The following TSPAN15 variants were observed in gnomAD, a reference collection of about 807,000 sequenced individuals.
TSPAN15 encodes tetraspanin-15.
In TSPAN15, 20 loss-of-function variants were observed where a neutral mutation model predicts 34.5. The observed-to-expected ratio is 0.58, with a 90% CI of 0.41 to 0.84. TSPAN15 has a LOEUF of 0.84. Among genes scored for constraint, TSPAN15 ranks in the 40% least tolerant of loss-of-function variants. The pLI is 0.00. For synonymous variants in TSPAN15, 155 were observed against 153.9 expected, an observed-to-expected ratio of 1.01 and a Z score of -0.05; for missense variants, 313 against 386.1, an observed-to-expected ratio of 0.81 and a Z score of 1.59.
chr10:69,547,207 A>G, the TSPAN15 span, among the ~76,000 whole-genome samples: 1 of 152,038 alleles, frequency 6.6e-6, no homozygotes, highest in African/African-American at 2.4e-5. Flanking sequence ...ATCTCAAAAA[A>G]AAAAAGGTCT....
At chr10:69,516,849 G>A in the TSPAN15 span, among the ~76,000 whole-genome samples, 2 of 152,212 alleles carry the variant, frequency 1.3e-5, no homozygotes, top group African/African-American at 2.4e-5. Context: ...CCTGAGAGAT[G>A]AGGTTGTGGT....
intron 1 of TSPAN15, among the ~76,000 whole-genome samples, chr10:69,478,551 C>T (rs1372139852): frequency 6.6e-6 from 1 of 152,012 alleles, no homozygotes; most frequent in East Asian, 1.9e-4. Context: ...TTCCTAGAGC[C>T]CTCTTCACCT....
At chr10:69,530,816 CTCTCTATATATATA>C in the TSPAN15 span, among the ~76,000 whole-genome samples, 70 of 52,400 alleles carry the variant, frequency 1.3e-3, no homozygotes, top group East Asian at 3.3e-3. Context: ...CTCTCTCTCT[CTCTCTATATATATA>C]TATATATATA....
chr10:69,499,004 TGGAA>T (rs1842147418), intron 5 of TSPAN15, among the ~76,000 whole-genome samples: 1 of 152,150 alleles, frequency 6.6e-6, no homozygotes, highest in Non-Finnish European at 1.5e-5. Flanking sequence ...GCAGAGTGCT[TGGAA>T]GGGGGTCTGG....
chr10:69,501,131 G>C (rs1320978966), intron 5 of TSPAN15, among the ~76,000 whole-genome samples: 1 of 152,246 alleles, frequency 6.6e-6, no homozygotes, highest in Non-Finnish European at 1.5e-5. Flanking sequence ...ACTGCAAGGA[G>C]GCAGGCTGGG....
rs1259621894 is a variant in TSPAN15 at position 69,463,114 on chromosome 10, C to T, written c.96+11424C>T. Among the ~76,000 whole-genome samples, 4 of 152,222 alleles carry T rather than the reference C, an allele frequency of 2.6e-5. No homozygotes were observed. The South Asian group carries it at 6.2e-4, about 24-fold the overall frequency. On this transcript the variant is annotated intron_variant, in intron 1 of 7. Coordinates refer to ENST00000373290, the MANE Select transcript of TSPAN15 (RefSeq NM_012339.5). ...AACATTCTTTTATGTGCTCTAAAGG[C>T]AAGGTTTCTATGCAGTTACCTTTGT...
intron 1 of TSPAN15, among the ~76,000 whole-genome samples, chr10:69,460,060 A>C (rs1841216555): frequency 8.0e-6 from 1 of 125,484 alleles, no homozygotes; most frequent in Admixed American, 7.9e-5. Flanking sequence ...ATGAGATGAG[A>C]TGAGATGAGA....
At chr10:69,487,974 A>G (rs966737957) in intron 3 of TSPAN15, among the ~76,000 whole-genome samples, 1 of 152,236 alleles carries the variant, frequency 6.6e-6, no homozygotes. Context: ...TTGGAGGCTC[A>G]AGCCATGATT....
At chr10:69,494,595 A>G in intron 3 of TSPAN15, 1 of 972,114 alleles carries the variant, frequency 1.0e-6, no homozygotes, top group Non-Finnish European at 1.2e-6. Context: ...GTTACCTTAA[A>G]GATAGGCCTA....
the TSPAN15 span, among the ~76,000 whole-genome samples, chr10:69,532,747 A>G: frequency 1.3e-5 from 2 of 152,242 alleles, no homozygotes; most frequent in African/African-American, 2.4e-5. Context: ...CAGACAACCC[A>G]CAGAGTGGGA....
At chr10:69,542,285 CTA>C in the TSPAN15 span, among the ~76,000 whole-genome samples, 1 of 152,196 alleles carries the variant, frequency 6.6e-6, no homozygotes, top group Non-Finnish European at 1.5e-5. Flanking sequence ...GTCCACATCA[CTA>C]TCAGCATTTT....
intron 1 of TSPAN15, 109 bp downstream of exon 1, chr10:69,451,799 G>A: frequency 1.2e-6 from 1 of 860,746 alleles, no homozygotes; most frequent in Non-Finnish European, 1.6e-6. Flanking sequence ...GGAGTGCGCG[G>A]GTGAGCGCGC....
chr10:69,454,301 C>T (rs934248169), intron 1 of TSPAN15, among the ~76,000 whole-genome samples: 4 of 152,052 alleles, frequency 2.6e-5, no homozygotes, highest in African/African-American at 4.8e-5. Context: ...GAGGATCACC[C>T]GAGGTCTGGA....
chr10:69,511,525 T>G (rs1842414844), downstream of TSPAN15, among the ~76,000 whole-genome samples: 1 of 152,208 alleles, frequency 6.6e-6, no homozygotes, highest in African/African-American at 2.4e-5. Flanking sequence ...ACACACCAGC[T>G]CCTGGATTCA....
chr10:69,455,600 CTTTCTT>C (rs1841079756), intron 1 of TSPAN15, among the ~76,000 whole-genome samples: 1 of 117,664 alleles, frequency 8.5e-6, no homozygotes, highest in Non-Finnish European at 1.8e-5. Flanking sequence ...CTCTTTCTTT[CTTTCTT>C]TCTCTCTCTC....
At chr10:69,504,688 A>ATGCC (rs745472921) in intron 6 of TSPAN15, among the ~76,000 whole-genome samples, 6 of 152,120 alleles carry the variant, frequency 3.9e-5, no homozygotes, top group Non-Finnish European at 7.3e-5. Flanking sequence ...AGGCTGGGAG[A>ATGCC]TGCCGCCTGT....
At chr10:69,474,963 G>T (rs767536962) in intron 1 of TSPAN15, among the ~76,000 whole-genome samples, 49 of 152,174 alleles carry the variant, frequency 3.2e-4, no homozygotes, top group Non-Finnish European at 1.2e-4. Context: ...CTGGCCGGAG[G>T]TCCACCCAGG....
chr10:69,524,024 A>G, the TSPAN15 span, among the ~76,000 whole-genome samples: 1 of 148,450 alleles, frequency 6.7e-6, no homozygotes, highest in Admixed American at 6.9e-5. Flanking sequence ...GTATTTTAAC[A>G]TAAACATCTC....
intron 3 of TSPAN15, among the ~76,000 whole-genome samples, chr10:69,489,870 G>GGAGGGTCCGGGC (rs1841932496): frequency 6.6e-6 from 1 of 152,236 alleles, no homozygotes; most frequent in Admixed American, 6.5e-5. Flanking sequence ...AGGAGGACCT[G>GGAGGGTCCGGGC]AGTGACTTCC....
Sources: gnomAD v4.1 joint callset for allele counts (sites outside exome capture counted in the v4.1 genomes callset) on GRCh38, gnomAD v4.1.1 for gene constraint, MANE v1.5 for transcripts, NCBI Gene and HGNC (gene_info 2026-07-23, HGNC 2026-07-21) for gene names.